FOXP1: variants seen among roughly 807,000 people sequenced by gnomAD.
FOXP1 encodes forkhead box P1, also known as forkhead box protein P1.
FOXP1 carries 15 observed loss-of-function variants against 98.2 expected under a neutral mutation model. The ratio of observed to expected loss-of-function variants is 0.15; its 90% CI spans 0.10 to 0.24. The LOEUF is 0.24. Among genes scored for constraint, FOXP1 ranks in the 10% least tolerant of loss-of-function variants. The pLI is 1.00. For synonymous variants in FOXP1, 371 were observed against 314.5 expected (o/e 1.18, Z -1.90); for missense variants, 633 against 848.5 (o/e 0.75, Z 3.15).
intron 4 of FOXP1, among the ~76,000 whole-genome samples, chr3:71,314,530 A>ATATATGT (rs1553839965): frequency 7.0e-6 from 1 of 143,370 alleles, no homozygotes; most frequent in Non-Finnish European, 1.5e-5. Flanking sequence ...CCGTCTAAAA[A>ATATATGT]ATATATATAT....
chr3:71,517,298 G>A (rs747883536), intron 2 of FOXP1, among the ~76,000 whole-genome samples: 8 of 152,102 alleles, frequency 5.3e-5, no homozygotes, highest in Non-Finnish European at 1.0e-4. Flanking sequence ...AGGCAATAAC[G>A]AAAGGCTTTC....
At chr3:71,275,524 T>G (rs1576710081) in intron 5 of FOXP1, among the ~76,000 whole-genome samples, 1 of 152,300 alleles carries the variant, frequency 6.6e-6, no homozygotes. Context: ...GGGCTTCCCT[T>G]TTACTTTTCT....
chr3:71,170,682 T>C (rs1227283440), intron 6 of FOXP1, among the ~76,000 whole-genome samples: 3 of 152,170 alleles, frequency 2.0e-5, no homozygotes, highest in Non-Finnish European at 4.4e-5. Flanking sequence ...TTTGAGGAAT[T>C]TGGGATTTTG....
chr3:70,965,789 C>G, intron 20 of FOXP1, 101 bp downstream of exon 20: 3 of 1,208,360 alleles, frequency 2.5e-6, no homozygotes, highest in Non-Finnish European at 3.7e-6. Flanking sequence ...TCAGAAATTA[C>G]AGAAAAGGTA....
chr3:71,043,348 A>C (rs1191318833), intron 10 of FOXP1, among the ~76,000 whole-genome samples: 4 of 152,230 alleles, frequency 2.6e-5, no homozygotes, highest in Admixed American at 1.3e-4. Context: ...CCTGAAATTA[A>C]GCCTCAGAGG....
intron 4 of FOXP1, among the ~76,000 whole-genome samples, chr3:71,313,621 G>A (rs1385217726): frequency 6.6e-6 from 1 of 150,946 alleles, no homozygotes; most frequent in African/African-American, 2.4e-5. Context: ...CGCCTCCCGG[G>A]TTCCCGCCAT....
intron 4 of FOXP1, among the ~76,000 whole-genome samples, chr3:71,308,907 A>G (rs1424691392): frequency 2.0e-5 from 3 of 152,074 alleles, no homozygotes; most frequent in Admixed American, 2.0e-4. Context: ...ATCCCTTGCC[A>G]CTGGTGACTG....
intron 3 of FOXP1, among the ~76,000 whole-genome samples, chr3:71,379,429 T>C (rs2079974914): frequency 6.6e-6 from 1 of 152,176 alleles, no homozygotes; most frequent in Non-Finnish European, 1.5e-5. Flanking sequence ...AAGTCCATTT[T>C]TAACAAAGCG....
At chr3:71,351,747 C>T (rs1170276112) in intron 4 of FOXP1, among the ~76,000 whole-genome samples, 1 of 152,180 alleles carries the variant, frequency 6.6e-6, no homozygotes, top group African/African-American at 2.4e-5. Context: ...TCTCACTTTT[C>T]ACACAGGTGA....
chr3:71,582,627 A>G, intron 1 of FOXP1: 1 of 985,358 alleles, frequency 1.0e-6, no homozygotes, highest in Non-Finnish European at 1.2e-6. Flanking sequence ...TAAAATCAGA[A>G]AATGTGTGTG....
chr3:71,298,777 C>T (rs544110976), intron 5 of FOXP1, among the ~76,000 whole-genome samples: 1 of 152,246 alleles, frequency 6.6e-6, no homozygotes, highest in African/African-American at 2.4e-5. Flanking sequence ...CCCCCAAGCC[C>T]CAGGTGAGAC....
rs186477934 is a variant in FOXP1, at chr3:71,241,067, G to A, written c.-11-42675C>T. ...CTACTAAAAATACAAAAAATTAGCC[G>A]GGCATGGTGGCGGGTGCCTGTAATC... On this transcript the variant is annotated intron_variant, in intron 5 of 20. Coordinates refer to ENST00000649528, the MANE Select transcript of FOXP1 (RefSeq NM_001349338.3). Among the ~76,000 whole-genome samples the A allele has an allele frequency of 2.6e-3, 394 of 151,378 alleles. 2 individuals carry two copies. The highest frequency in any genetic ancestry group is 8.9e-3 in the African/African-American group (369 of 41,286).
intron 4 of FOXP1, among the ~76,000 whole-genome samples, chr3:71,322,615 T>C (rs1049706299): frequency 1.5e-4 from 23 of 152,190 alleles, no homozygotes; most frequent in African/African-American, 5.1e-4. Context: ...AAAGGTGCAC[T>C]GTCATCAAGG....
At chr3:71,200,204 C>T (rs2063583730) in intron 5 of FOXP1, among the ~76,000 whole-genome samples, 1 of 151,714 alleles carries the variant, frequency 6.6e-6, no homozygotes, top group South Asian at 2.1e-4. Context: ...CAGCACTTGG[C>T]TCAGAAAAGA....
At chr3:71,464,558 T>C (rs763662143) in intron 3 of FOXP1, among the ~76,000 whole-genome samples, 4 of 152,054 alleles carry the variant, frequency 2.6e-5, no homozygotes, top group Non-Finnish European at 5.9e-5. Flanking sequence ...CTCCTGGGAG[T>C]TGGGAAGTCA....
At chr3:71,373,979 C>G (rs1316910035) in intron 3 of FOXP1, among the ~76,000 whole-genome samples, 1 of 152,096 alleles carries the variant, frequency 6.6e-6, no homozygotes, top group African/African-American at 2.4e-5. Flanking sequence ...ACCTGTTACT[C>G]TTGACAAGTA....
At chr3:71,376,962 C>CA (rs989179612) in intron 3 of FOXP1, among the ~76,000 whole-genome samples, 2 of 151,918 alleles carry the variant, frequency 1.3e-5, no homozygotes, top group African/African-American at 4.8e-5. Context: ...CAAAAGTGAG[C>CA]AAAATGCAAA....
chr3:71,129,311 A>C (rs564405997), intron 6 of FOXP1, among the ~76,000 whole-genome samples: 1 of 152,344 alleles, frequency 6.6e-6, no homozygotes, highest in East Asian at 1.9e-4. Flanking sequence ...ACAACTTCTG[A>C]ACATTCAAAA....
chr3:71,328,710 T>C (rs1460198940), intron 4 of FOXP1, among the ~76,000 whole-genome samples: 1 of 152,156 alleles, frequency 6.6e-6, no homozygotes, highest in Non-Finnish European at 1.5e-5. Context: ...CAGTGGCTCA[T>C]GCCTGTAATC....
Sources: gnomAD v4.1 joint callset for allele counts (sites outside exome capture counted in the v4.1 genomes callset) on GRCh38, gnomAD v4.1.1 for gene constraint, MANE v1.5 for transcripts, NCBI Gene and HGNC (gene_info 2026-07-23, HGNC 2026-07-21) for gene names.